Variants in PTER observed in about 807,000 individuals in gnomAD.
PTER encodes the protein N-acetyltaurine hydrolase.
In PTER, 38 loss-of-function variants were observed where a neutral mutation model predicts 29.6. The ratio of observed to expected loss-of-function variants is 1.28; its 90% CI spans 0.99 to 1.68. The LOEUF (loss-of-function observed/expected upper bound fraction) is 1.68, where lower values mean the gene tolerates loss of function less well. PTER is among the 40% of genes most tolerant of loss of function. PTER has a pLI of 0.00. For synonymous variants in PTER, 172 were observed against 154.5 expected, an observed-to-expected ratio of 1.11 and a Z score of -0.84; for missense variants, 482 against 427.8, an observed-to-expected ratio of 1.13 and a Z score of -1.12.
At position 16,474,574 on chromosome 10, in the gene PTER, G is replaced by T. The variant is rs147729093; in HGVS notation, c.-48-9763G>T. On this transcript the variant is annotated intron_variant, in intron 1 of 4. Transcript: ENST00000535784. ...TGGGGTGCTCTAACAGAATAATATA[G>T]CCTGGGTGGCTTACCAAAAAAAAAG... Among the ~76,000 whole-genome samples the T allele has an allele frequency of 4.1e-4, 62 of 152,130 alleles. No homozygotes were observed. In the East Asian group the frequency reaches 0.011, roughly 27 times the overall value.
At chr10:16,509,141 G>A (rs946003208) in intron 4 of PTER, among the ~76,000 whole-genome samples, 3 of 152,080 alleles carry the variant, frequency 2.0e-5, no homozygotes, top group Non-Finnish European at 2.9e-5. Flanking sequence ...GTCTGTAGTG[G>A]CTCCCCCTTT....
At chr10:16,489,735 ACAAACGC>A (rs145146736) in intron 3 of PTER, among the ~76,000 whole-genome samples, 4,302 of 152,282 alleles carry the variant, frequency 0.028, 170 homozygotes, top group African/African-American at 0.097. Flanking sequence ...ATGGCCTGTG[ACAAACGC>A]CATTCTACTT....
chr10:16,452,194 TAC>T lies in PTER; in HGVS notation c.-49+15173_-49+15174del, dbSNP rs375537112. Among the ~76,000 whole-genome samples the T allele has an allele frequency of 4.2e-3, 621 of 146,170 alleles. 6 individuals carry two copies. Among genetic ancestry groups the T allele is most frequent in the African/African-American group, 0.013 (501 of 39,324 alleles). On this transcript the variant is annotated intron_variant, in intron 1 of 4. Transcript: ENST00000535784. ...AAATCAGTTTGAACCACCAGTGGGA[TAC>T]ACACACACACACACACACACACACA...
rs149588423 is a variant in PTER at position 16,491,357 on chromosome 10, T to G, written c.698+4740T>G. ...TAATCAGGGAGGCAGATGCAGGCAT[T>G]GTTAGCTCTTTGAAGTGGCTGTTCA... On this transcript the variant is annotated intron_variant, in intron 3 of 4. Transcript: ENST00000535784. Among the ~76,000 whole-genome samples the G allele has an allele frequency of 5.6e-4, 85 of 152,262 alleles. 1 individual carries two copies. The East Asian group carries it at 0.011, about 20-fold the overall frequency.
chr10:16,489,607 C>T (rs141285468), intron 3 of PTER, among the ~76,000 whole-genome samples: 1,701 of 151,420 alleles, frequency 0.011, 27 homozygotes, highest in African/African-American at 0.039. Context: ...GCACTACTTA[C>T]GTGGGACACT....
intron 3 of PTER, among the ~76,000 whole-genome samples, chr10:16,488,488 G>A (rs564099969): frequency 5.3e-5 from 8 of 151,928 alleles, no homozygotes; most frequent in Non-Finnish European, 7.4e-5. Context: ...TCTTAAAAGC[G>A]TTGCATTCTG....
chr10:16,482,789 T>A (rs530011123), intron 1 of PTER, among the ~76,000 whole-genome samples: 74 of 142,652 alleles, frequency 5.2e-4, no homozygotes, highest in Middle Eastern at 3.5e-3. Flanking sequence ...GTACTTAAAA[T>A]TTTTTTTTTT....
chr10:16,473,360 C>T (rs1835125388), intron 1 of PTER, among the ~76,000 whole-genome samples: 1 of 151,646 alleles, frequency 6.6e-6, no homozygotes, highest in Admixed American at 6.6e-5. Flanking sequence ...TCCAGCACAC[C>T]CCAGTTAGTA....
downstream of PTER, among the ~76,000 whole-genome samples, chr10:16,516,110 T>A (rs1194989738): frequency 6.6e-6 from 1 of 152,178 alleles, no homozygotes; most frequent in African/African-American, 2.4e-5. Flanking sequence ...CTTTAAAGTG[T>A]CTTTCTGGGT....
chr10:16,480,370 AT>A (rs1299501057), intron 1 of PTER, among the ~76,000 whole-genome samples: 1 of 151,562 alleles, frequency 6.6e-6, no homozygotes, highest in Admixed American at 6.6e-5. Context: ...TAATTTTTGT[AT>A]TTTTTATAGA....
At chr10:16,477,688 G>T (rs1012761814) in intron 1 of PTER, among the ~76,000 whole-genome samples, 16 of 152,156 alleles carry the variant, frequency 1.1e-4, no homozygotes, top group Admixed American at 2.0e-4. Context: ...CAGCTATTTA[G>T]TGAAGAGCCA....
At chr10:16,470,758 G>A (rs550685304) in intron 1 of PTER, among the ~76,000 whole-genome samples, 9 of 151,780 alleles carry the variant, frequency 5.9e-5, no homozygotes, top group African/African-American at 2.2e-4. Flanking sequence ...ACAGAGCAAG[G>A]CTCCATCTCA....
intron 1 of PTER, among the ~76,000 whole-genome samples, chr10:16,476,901 C>CTTTTT (rs1010674988): frequency 3.0e-5 from 3 of 100,362 alleles, no homozygotes; most frequent in Non-Finnish European, 5.8e-5. Context: ...TCCTAGAATT[C>CTTTTT]TTTTTTTTTT....
At chr10:16,457,683 G>C (rs7080832) in intron 1 of PTER, among the ~76,000 whole-genome samples, 1 of 151,868 alleles carries the variant, frequency 6.6e-6, no homozygotes, top group South Asian at 2.1e-4. Flanking sequence ...CACTGCAACC[G>C]CTGCCTCCCA....
At chr10:16,474,385 A>C (rs1835176049) in intron 1 of PTER, among the ~76,000 whole-genome samples, 1 of 152,108 alleles carries the variant, frequency 6.6e-6, no homozygotes, top group Non-Finnish European at 1.5e-5. Context: ...CAAATCTAAC[A>C]CTCAAATAAT....
chr10:16,449,423 A>ATTT (rs1434440848), intron 1 of PTER, among the ~76,000 whole-genome samples: 1 of 105,046 alleles, frequency 9.5e-6, no homozygotes, highest in Admixed American at 1.1e-4. Flanking sequence ...TTCAACAATA[A>ATTT]TTTTCTTTTT....
chr10:16,501,348 CACACACACACACACACACACAT>C (rs1445858285), intron 3 of PTER, among the ~76,000 whole-genome samples: 10 of 120,138 alleles, frequency 8.3e-5, no homozygotes, highest in East Asian at 7.4e-4. Context: ...CACACACACA[CACACACACACACACACACACAT>C]GCACACACAC....
At chr10:16,437,158 G>C (rs1833678681) in intron 1 of PTER, 111 bp downstream of exon 1, 1 of 152,262 alleles carries the variant, frequency 6.6e-6, no homozygotes, top group African/African-American at 2.4e-5. Context: ...CTCCACGCGA[G>C]GGTCCTGCCG....
chr10:16,478,987 C>T (rs529075392), intron 1 of PTER, among the ~76,000 whole-genome samples: 2 of 152,172 alleles, frequency 1.3e-5, no homozygotes, highest in South Asian at 2.1e-4. Flanking sequence ...GGCCTTTTCC[C>T]AGCACTGTCA....
Sources: gnomAD v4.1 joint callset for allele counts (sites outside exome capture counted in the v4.1 genomes callset) on GRCh38, gnomAD v4.1.1 for gene constraint, MANE v1.5 for transcripts, NCBI Gene and HGNC (gene_info 2026-07-23, HGNC 2026-07-21) for gene names.